The following PCSK5 variants were observed in gnomAD, a reference collection of about 807,000 sequenced individuals.
The protein encoded by PCSK5 is prohormone convertase 5.
In PCSK5, 129 loss-of-function variants were observed where a neutral mutation model predicts 233.2. That is an observed-to-expected ratio of 0.55 (90% confidence interval 0.48 to 0.64). The LOEUF is 0.64. Among genes scored for constraint, PCSK5 ranks in the 30% least tolerant of loss-of-function variants. PCSK5 has a pLI of 0.00. For missense variants in PCSK5, 2,076 were observed against 2,430.1 expected (o/e 0.85, Z 3.06); for synonymous variants, 825 against 879.2 (o/e 0.94, Z 1.09).
chr9:75,894,847 A>G (rs1825745222), intron 1 of PCSK5, among the ~76,000 whole-genome samples: 1 of 152,230 alleles, frequency 6.6e-6, no homozygotes, highest in Non-Finnish European at 1.5e-5. Flanking sequence ...TGGTTAGGCA[A>G]TTGAAATGAT....
intron 5 of PCSK5, among the ~76,000 whole-genome samples, chr9:76,032,567 G>T (rs1040487501): frequency 6.6e-6 from 1 of 152,146 alleles, no homozygotes; most frequent in Admixed American, 6.5e-5. Context: ...CCAAATGGTG[G>T]TATGTCAGAC....
chr9:76,159,534 G>A (rs1056426356), intron 12 of PCSK5, among the ~76,000 whole-genome samples: 1 of 152,158 alleles, frequency 6.6e-6, no homozygotes, highest in Non-Finnish European at 1.5e-5. Context: ...TCTTGCCCAA[G>A]CACTTACTTT....
chr9:76,209,163 T>C (rs960238704), intron 20 of PCSK5, among the ~76,000 whole-genome samples: 1 of 152,152 alleles, frequency 6.6e-6, no homozygotes, highest in African/African-American at 2.4e-5. Context: ...AAAAGCAAAA[T>C]TACTGTACTG....
Position 76,159,158 on chromosome 9 carries a change from C to G in PCSK5, c.1606C>G (p.Leu536Val). ...LTSPSGTRSQ[L>V]LANRLFDHSM... is the part of the protein sequence containing the mutation. The stretch of plus-strand genomic sequence containing the variant: ...CTCGCCCTCTGGAACTAGGTCTCAG[C>G]TTTTGGCCAACAGGTACAGCAGTGG... The change falls in exon 12 of 38, where the codon CTT becomes GTT. Residue 536 changes from leucine to valine, a missense_variant. Transcript: ENST00000674117. 3 of 1,614,010 alleles carry G rather than the reference C, an allele frequency of 1.9e-6. No homozygotes were observed. The highest frequency in any genetic ancestry group is 2.2e-5 in the East Asian group (1 of 44,842).
At chr9:76,010,028 C>T (rs912706697) in intron 3 of PCSK5, among the ~76,000 whole-genome samples, 1 of 152,094 alleles carries the variant, frequency 6.6e-6, no homozygotes, top group Non-Finnish European at 1.5e-5. Context: ...TAACAACTAC[C>T]GATGAAGTTG....
At chr9:75,988,562 G>A (rs1297459307) in intron 3 of PCSK5, among the ~76,000 whole-genome samples, 2 of 152,078 alleles carry the variant, frequency 1.3e-5, no homozygotes, top group African/African-American at 2.4e-5. Context: ...GACCACAGGT[G>A]CATGCCACCG....
At chr9:76,003,447 A>G (rs1407245523) in intron 3 of PCSK5, among the ~76,000 whole-genome samples, 2 of 152,226 alleles carry the variant, frequency 1.3e-5, no homozygotes, top group Non-Finnish European at 2.9e-5. Flanking sequence ...TTTGAAAAAT[A>G]CAAACAAGTT....
chr9:76,172,614 T>G (rs1471902503), intron 13 of PCSK5, among the ~76,000 whole-genome samples: 1 of 152,172 alleles, frequency 6.6e-6, no homozygotes, highest in African/African-American at 2.4e-5. Context: ...TTAAATAAAA[T>G]GAACTAAATT....
chr9:76,160,938 T>C (rs1198835683), intron 12 of PCSK5, among the ~76,000 whole-genome samples: 2 of 152,076 alleles, frequency 1.3e-5, no homozygotes, highest in Non-Finnish European at 2.9e-5. Context: ...CACAGCCAGC[T>C]AATTTTTGTA....
At chr9:76,059,373 A>G (rs996314780) in intron 5 of PCSK5, among the ~76,000 whole-genome samples, 4 of 152,124 alleles carry the variant, frequency 2.6e-5, no homozygotes, top group Non-Finnish European at 4.4e-5. Flanking sequence ...ATTAGATCCC[A>G]TTTGTCAATT....
Position 76,299,514 on chromosome 9 carries a change from CA to C in PCSK5, c.3524-2615del, listed in dbSNP as rs563150877. On this transcript the variant is annotated intron_variant, in intron 27 of 37. Transcript: ENST00000674117. ...TGAAACCTCATCTCTACTAAAAATA[CA>C]AAAAAAATTAGCCGGGCGTGGTGGT... 3.0e-3 allele frequency among the ~76,000 whole-genome samples: 455 copies of C among 151,762 alleles called. 3 individuals carry two copies. Among genetic ancestry groups the C allele is most frequent in the South Asian group, 5.2e-3 (25 of 4,806 alleles).
intron 20 of PCSK5, among the ~76,000 whole-genome samples, chr9:76,201,381 T>C (rs1172323831): frequency 6.6e-6 from 1 of 152,226 alleles, no homozygotes; most frequent in East Asian, 1.9e-4. Flanking sequence ...AGCCTGATTC[T>C]ATCTCCATTT....
chr9:75,897,481 T>C (rs1825857731), intron 1 of PCSK5, among the ~76,000 whole-genome samples: 1 of 114,636 alleles, frequency 8.7e-6, no homozygotes, highest in African/African-American at 4.1e-5. Flanking sequence ...CAAGATTTTC[T>C]TTCTTTTCTT....
chr9:76,225,399 T>A (rs1039398227), intron 20 of PCSK5, among the ~76,000 whole-genome samples: 1 of 152,212 alleles, frequency 6.6e-6, no homozygotes, highest in Non-Finnish European at 1.5e-5. Context: ...TTTCAGCTTC[T>A]ATGAACCTCT....
intron 5 of PCSK5, among the ~76,000 whole-genome samples, chr9:76,062,954 A>G (rs12347735): frequency 0.1 from 15,825 of 152,034 alleles, 2,436 homozygotes; most frequent in African/African-American, 0.34. Flanking sequence ...TCCCCCACAC[A>G]GTCCTACCCT....
chr9:76,159,065 C>T lies in PCSK5; in HGVS notation c.1513C>T (p.Leu505=). 6.2e-7 allele frequency: 1 copy of T among 1,614,088 alleles called. No homozygotes were observed. The highest frequency in any genetic ancestry group is 1.3e-5 in the African/African-American group (1 of 75,038). ...TAACCCCAACCGCCATGTCAACTAC[C>T]TGGAGCACGTCGTTGTGCGCATCAC... ...SDNPNRHVNY[L]EHVVVRITIT... Residue 505 remains leucine (L), a synonymous_variant, in exon 12 of 38, where the codon CTG becomes TTG. Coordinates refer to ENST00000674117, the MANE Select transcript of PCSK5 (RefSeq NM_001372043.1).
chr9:76,146,938 T>C (rs4745509), intron 10 of PCSK5, among the ~76,000 whole-genome samples: 11,573 of 152,200 alleles, frequency 0.076, 691 homozygotes, highest in East Asian at 0.28. Context: ...ATAAAATACA[T>C]ATGTAAGATA....
At chr9:76,179,240 A>G (rs1336953918) in intron 14 of PCSK5, among the ~76,000 whole-genome samples, 1 of 152,104 alleles carries the variant, frequency 6.6e-6, no homozygotes, top group African/African-American at 2.4e-5. Context: ...TACAAATCCA[A>G]TCTTTTTACT....
intron 14 of PCSK5, 73 bp downstream of exon 14, chr9:76,175,202 G>T: frequency 8.1e-7 from 1 of 1,229,028 alleles, no homozygotes; most frequent in Non-Finnish European, 1.2e-6. Context: ...TGGGAGAACA[G>T]AATGGAATGG....
Sources: allele counts gnomAD v4.1 joint callset (sites outside exome capture counted in the v4.1 genomes callset), GRCh38; gene constraint gnomAD v4.1.1; transcripts MANE v1.5; gene names NCBI Gene and HGNC (gene_info 2026-07-23, HGNC 2026-07-21).